COBL: variants seen among roughly 807,000 people sequenced by gnomAD.
COBL encodes protein cordon-bleu.
COBL carries 51 observed loss-of-function variants against 98.8 expected under a neutral mutation model. The ratio of observed to expected loss-of-function variants is 0.52; its 90% CI spans 0.41 to 0.65. The LOEUF is 0.65. Among genes scored for constraint, COBL ranks in the 30% least tolerant of loss-of-function variants. COBL has a pLI of 0.00. For synonymous variants in COBL, 634 were observed against 651.7 expected (o/e 0.97, Z 0.41); for missense variants, 1,617 against 1,617.5 (o/e 1.00, Z 0.01).
chr7:51,084,656 C>T (rs757876540), intron 7 of COBL, among the ~76,000 whole-genome samples: 16 of 152,106 alleles, frequency 1.1e-4, no homozygotes, highest in Admixed American at 2.6e-4. Context: ...GGCTCTCTTT[C>T]CCTCAAAGAA....
chr7:51,283,585 A>G (rs1383645434), intron 1 of COBL, among the ~76,000 whole-genome samples: 1 of 152,118 alleles, frequency 6.6e-6, no homozygotes, highest in Non-Finnish European at 1.5e-5. Context: ...CCTGGGTTCA[A>G]GCAATTCTCC....
intron 8 of COBL, among the ~76,000 whole-genome samples, chr7:51,041,727 G>A (rs140523108): frequency 1.8e-4 from 28 of 151,912 alleles, no homozygotes; most frequent in African/African-American, 6.3e-4. Context: ...CAGGTGATCC[G>A]CCCACCTGAG....
At chr7:51,201,100 C>T (rs557146160) in intron 2 of COBL, among the ~76,000 whole-genome samples, 76 of 151,742 alleles carry the variant, frequency 5.0e-4, no homozygotes, top group African/African-American at 1.8e-3. Flanking sequence ...ATTAGCTGGG[C>T]GTGGTGGTGG....
At chr7:51,050,434 A>G (rs774266117) in intron 7 of COBL, among the ~76,000 whole-genome samples, 2 of 152,108 alleles carry the variant, frequency 1.3e-5, no homozygotes, top group African/African-American at 2.4e-5. Context: ...CACCACTCTC[A>G]CTCTGTTTGT....
At position 51,063,355 on chromosome 7, in the gene COBL, G is replaced by A. The variant is rs1222717436; in HGVS notation, c.1097-19663C>T. Among the ~76,000 whole-genome samples the A allele has an allele frequency of 7.9e-5, 12 of 152,060 alleles. No individual in the cohort carries two copies. The South Asian group carries it at 2.3e-3, about 29-fold the overall frequency. The stretch of plus-strand genomic sequence containing the variant: ...TTGCCATATTGGCCAGGCTGGCTTC[G>A]AACTCCTGACCTCAGGTGATCCGCC... On this transcript the variant is annotated intron_variant, in intron 7 of 12. Transcript: ENST00000265136.
intron 12 of COBL, among the ~76,000 whole-genome samples, chr7:51,024,142 G>A (rs1032349814): frequency 5.9e-5 from 9 of 151,922 alleles, no homozygotes; most frequent in Non-Finnish European, 1.2e-4. Flanking sequence ...ACTCCATCTC[G>A]ACTAAAACCA....
At chr7:51,128,620 G>A (rs781316979) in intron 6 of COBL, among the ~76,000 whole-genome samples, 9 of 152,144 alleles carry the variant, frequency 5.9e-5, no homozygotes, top group African/African-American at 9.7e-5. Context: ...GCAGAAGCTC[G>A]GCCGCTCACT....
chr7:51,060,154 G>C (rs1010721703), intron 7 of COBL, among the ~76,000 whole-genome samples: 158 of 152,238 alleles, frequency 1.0e-3, no homozygotes, highest in African/African-American at 3.7e-3. Context: ...CTGAGCACAT[G>C]AACACCAGCC....
At position 51,016,322 on chromosome 7, in the gene COBL, A is replaced by G. The variant is rs934691034; in HGVS notation, c.*1229T>C. 4 of 152,232 alleles carry G rather than the reference A, an allele frequency of 2.6e-5. No individual in the cohort carries two copies. Among genetic ancestry groups the G allele is most frequent in the African/African-American group, 9.6e-5 (4 of 41,470 alleles). 9.4% of individuals were successfully genotyped at this position (152,232 alleles called of 1,614,324 possible). On this transcript the variant is annotated 3_prime_UTR_variant, in exon 13 of 13. Coordinates refer to ENST00000265136, the MANE Select transcript of COBL (RefSeq NM_015198.5). ...AGAGTTTAGCAACGTTAATCAGTGA[A>G]TGCAGAACAGCTTCCATTCTACCTG...
intron 6 of COBL, among the ~76,000 whole-genome samples, chr7:51,106,057 T>G (rs1796235847): frequency 7.2e-6 from 1 of 138,250 alleles, no homozygotes; most frequent in Non-Finnish European, 1.6e-5. Flanking sequence ...AAAAAAAAAT[T>G]GTCGGGGGTG....
At chr7:51,188,335 AAAGT>A (rs1011340150) in intron 4 of COBL, among the ~76,000 whole-genome samples, 2 of 152,222 alleles carry the variant, frequency 1.3e-5, no homozygotes, top group Non-Finnish European at 2.9e-5. Flanking sequence ...AAGAGGATTG[AAAGT>A]AAGGGCTCCT....
At chr7:51,203,292 C>T (rs1304289858) in intron 2 of COBL, among the ~76,000 whole-genome samples, 2 of 117,924 alleles carry the variant, frequency 1.7e-5, no homozygotes, top group Middle Eastern at 4.2e-3. Context: ...GAAACCCCGT[C>T]TCTACTAAAA....
intron 7 of COBL, among the ~76,000 whole-genome samples, chr7:51,082,255 G>A (rs965605403): frequency 2.0e-5 from 3 of 152,176 alleles, no homozygotes; most frequent in Non-Finnish European, 2.9e-5. Context: ...GTGATATTGC[G>A]CTGCTCCGTG....
At chr7:51,118,462 G>A (rs1429054893) in intron 6 of COBL, among the ~76,000 whole-genome samples, 3 of 152,072 alleles carry the variant, frequency 2.0e-5, no homozygotes, top group African/African-American at 7.2e-5. Context: ...CTGTTAAGCA[G>A]AGACAATCCT....
intron 2 of COBL, among the ~76,000 whole-genome samples, chr7:51,199,406 G>A (rs973436643): frequency 6.6e-6 from 1 of 152,042 alleles, no homozygotes; most frequent in Non-Finnish European, 1.5e-5. Context: ...ACGTTTACAT[G>A]GACCACAAAG....
rs574968855 is a variant in COBL, at chr7:51,078,137, G to A, written c.1096+7029C>T. Among the ~76,000 whole-genome samples, 237 of 152,254 alleles carry A rather than the reference G, an allele frequency of 1.6e-3. No homozygotes were observed. The Middle Eastern group carries it at 0.017, about 11-fold the overall frequency. ...CTCAGAGAAAGCTGACCCCATCCCC[G>A]TCTGCCAGATGGGCCTGGCTCATCT... On this transcript the variant is annotated intron_variant, in intron 7 of 12. Coordinates refer to ENST00000265136, the MANE Select transcript of COBL (RefSeq NM_015198.5).
At chr7:51,134,955 C>A (rs1303337401) in intron 6 of COBL, among the ~76,000 whole-genome samples, 1 of 151,976 alleles carries the variant, frequency 6.6e-6, no homozygotes, top group Non-Finnish European at 1.5e-5. Flanking sequence ...TGTATACATT[C>A]CTTTTTTTTT....
intron 6 of COBL, among the ~76,000 whole-genome samples, chr7:51,131,346 A>G (rs1347584941): frequency 1.3e-5 from 2 of 152,366 alleles, no homozygotes; most frequent in East Asian, 3.9e-4. Flanking sequence ...ATGAATAACT[A>G]TGTATTATAT....
At chr7:51,104,496 T>G (rs141613569) in intron 6 of COBL, among the ~76,000 whole-genome samples, 3 of 152,258 alleles carry the variant, frequency 2.0e-5, no homozygotes, top group African/African-American at 7.2e-5. Flanking sequence ...TGCCTCAATT[T>G]CTCCATCTGT....
Sources: allele counts gnomAD v4.1 joint callset (sites outside exome capture counted in the v4.1 genomes callset), GRCh38; gene constraint gnomAD v4.1.1; transcripts MANE v1.5; gene names NCBI Gene and HGNC (gene_info 2026-07-23, HGNC 2026-07-21).